EPHA6: variants seen among roughly 807,000 people sequenced by gnomAD.
The protein encoded by EPHA6 is EPH receptor A6.
EPHA6 carries 50 observed loss-of-function variants against 112.0 expected under a neutral mutation model. The observed-to-expected ratio is 0.45, with a 90% CI of 0.36 to 0.56. The LOEUF is 0.56. Ranked by LOEUF, EPHA6 falls within the 20% of genes least tolerant of loss-of-function variation. The pLI, the probability that EPHA6 is intolerant of heterozygous loss-of-function variation, is 0.00. For missense variants in EPHA6, 1,280 were observed against 1,417.4 expected, an observed-to-expected ratio of 0.90 and a Z score of 1.56; for synonymous variants, 529 against 490.7, an observed-to-expected ratio of 1.08 and a Z score of -1.03.
intron 3 of EPHA6, among the ~76,000 whole-genome samples, chr3:97,082,934 T>A (rs1576455326): frequency 6.6e-6 from 1 of 151,682 alleles, no homozygotes; most frequent in East Asian, 1.9e-4. Context: ...ATAGCCTCAC[T>A]TTTTTTTCTC....
At chr3:97,511,090 C>T (rs1393358942) in intron 10 of EPHA6, among the ~76,000 whole-genome samples, 1 of 152,182 alleles carries the variant, frequency 6.6e-6, no homozygotes, top group Middle Eastern at 3.2e-3. Flanking sequence ...AATTTCAAGC[C>T]GGTGGATCTT....
At chr3:97,082,827 T>C (rs890722793) in intron 3 of EPHA6, among the ~76,000 whole-genome samples, 2 of 151,922 alleles carry the variant, frequency 1.3e-5, no homozygotes, top group African/African-American at 4.8e-5. Flanking sequence ...GTAAATACGA[T>C]TAAATATATT....
intron 7 of EPHA6, among the ~76,000 whole-genome samples, chr3:97,452,917 G>T (rs1044274111): frequency 1.3e-5 from 2 of 151,474 alleles, no homozygotes; most frequent in African/African-American, 4.8e-5. Flanking sequence ...ATAAAAAATT[G>T]TTGACATCAC....
In EPHA6 at chr3:97,220,879, A is replaced by T. The variant is rs1044568228; in HGVS notation, c.1115-5385A>T. ...GCCATATCTACTATTTAGAAATGTA[A>T]CTTGCAGAAACTGTGGAGTGGATAT... On this transcript the variant is annotated intron_variant, in intron 3 of 17. Transcript: ENST00000389672. 7.2e-5 allele frequency among the ~76,000 whole-genome samples: 11 copies of T among 152,228 alleles called. No homozygotes were observed. The South Asian group carries it at 2.1e-3, about 29-fold the overall frequency.
intron 3 of EPHA6, among the ~76,000 whole-genome samples, chr3:97,063,389 G>A (rs2046084004): frequency 6.6e-6 from 1 of 152,124 alleles, no homozygotes; most frequent in South Asian, 2.1e-4. Flanking sequence ...GAACAAGATA[G>A]TGTCCTTTGC....
chr3:97,280,427 G>A (rs2080247454), intron 5 of EPHA6, among the ~76,000 whole-genome samples: 1 of 152,106 alleles, frequency 6.6e-6, no homozygotes, highest in African/African-American at 2.4e-5. Context: ...GACATACATA[G>A]GATCAGCAAG....
intron 13 of EPHA6, among the ~76,000 whole-genome samples, chr3:97,628,595 G>A (rs2093877747): frequency 6.6e-6 from 1 of 151,926 alleles, no homozygotes; most frequent in African/African-American, 2.4e-5. Flanking sequence ...TATGACTATT[G>A]AAATAACATA....
chr3:97,023,784 A>AT (rs1283041504), intron 3 of EPHA6, among the ~76,000 whole-genome samples: 2 of 152,194 alleles, frequency 1.3e-5, no homozygotes, highest in Non-Finnish European at 2.9e-5. Context: ...GTAAAATTCA[A>AT]TTATGCATAA....
intron 11 of EPHA6, among the ~76,000 whole-genome samples, chr3:97,556,561 A>G (rs1002140022): frequency 6.6e-6 from 1 of 152,030 alleles, no homozygotes; most frequent in Non-Finnish European, 1.5e-5. Flanking sequence ...CACTATCTTG[A>G]GAACAGCATG....
At chr3:97,405,902 T>C (rs1355817128) in intron 6 of EPHA6, among the ~76,000 whole-genome samples, 1 of 152,142 alleles carries the variant, frequency 6.6e-6, no homozygotes, top group African/African-American at 2.4e-5. Flanking sequence ...TTATTCCCTT[T>C]ATTATATTTA....
intron 10 of EPHA6, among the ~76,000 whole-genome samples, chr3:97,489,567 T>C (rs1164841318): frequency 6.6e-6 from 1 of 151,062 alleles, no homozygotes; most frequent in Non-Finnish European, 1.5e-5. Context: ...GTGCCTGTAG[T>C]CCCAGCTACT....
chr3:97,009,191 C>A (rs1275931069), intron 3 of EPHA6, among the ~76,000 whole-genome samples: 1 of 152,072 alleles, frequency 6.6e-6, no homozygotes, highest in Non-Finnish European at 1.5e-5. Flanking sequence ...TGCCTGGATT[C>A]CTCAGAACTA....
chr3:97,236,539 C>T (rs1482374751), intron 4 of EPHA6, among the ~76,000 whole-genome samples: 7 of 152,050 alleles, frequency 4.6e-5, no homozygotes, highest in Admixed American at 3.3e-4. Flanking sequence ...GTAAGTCATA[C>T]ACATGGGTAA....
At chr3:97,334,456 CTT>C (rs1197017632) in intron 5 of EPHA6, among the ~76,000 whole-genome samples, 2 of 145,374 alleles carry the variant, frequency 1.4e-5, no homozygotes, top group African/African-American at 5.1e-5. Flanking sequence ...CTTCTTTTTT[CTT>C]TTCTTTCTTT....
chr3:96,830,688 T>A (rs530532676), intron 1 of EPHA6, among the ~76,000 whole-genome samples: 1 of 152,176 alleles, frequency 6.6e-6, no homozygotes, highest in Non-Finnish European at 1.5e-5. Context: ...CTTGAAAATA[T>A]GTAAGCACAT....
At chr3:97,330,864 G>A (rs28885458) in intron 5 of EPHA6, among the ~76,000 whole-genome samples, 4,438 of 151,930 alleles carry the variant, frequency 0.029, 227 homozygotes, top group African/African-American at 0.1. Flanking sequence ...AAGGATATCC[G>A]GGAACTGAAC....
At chr3:97,367,271 T>G (rs564110210) in intron 5 of EPHA6, among the ~76,000 whole-genome samples, 1 of 152,308 alleles carries the variant, frequency 6.6e-6, no homozygotes, top group South Asian at 2.1e-4. Context: ...GAACCCATTT[T>G]TAAAGTAAAT....
chr3:97,637,653 C>T (rs1166105287), intron 13 of EPHA6, among the ~76,000 whole-genome samples: 2 of 152,046 alleles, frequency 1.3e-5, no homozygotes, highest in African/African-American at 4.8e-5. Context: ...TTCCTTCTGT[C>T]CTTTGTTTAG....
intron 3 of EPHA6, among the ~76,000 whole-genome samples, chr3:97,004,416 A>AT (rs1364929646): frequency 6.6e-6 from 1 of 151,884 alleles, no homozygotes; most frequent in Non-Finnish European, 1.5e-5. Context: ...TTTTTTTCAT[A>AT]TTTTTATTGA....
Sources: gnomAD v4.1 joint callset for allele counts (sites outside exome capture counted in the v4.1 genomes callset) on GRCh38, gnomAD v4.1.1 for gene constraint, MANE v1.5 for transcripts, NCBI Gene and HGNC (gene_info 2026-07-23, HGNC 2026-07-21) for gene names.